Variants in MTMR8 observed in about 807,000 individuals in gnomAD.
MTMR8 encodes the protein myotubularin related protein 8.
MTMR8 carries 65 observed loss-of-function variants against 39.3 expected under a neutral mutation model. The observed-to-expected ratio is 1.65, with a 90% CI of 1.35 to 2.03. MTMR8 has a LOEUF of 2.03. Among genes scored for constraint, MTMR8 ranks in the 30% most tolerant of loss-of-function variants. The pLI is 0.00. For synonymous variants in MTMR8, 245 were observed against 185.2 expected (o/e 1.32, Z -2.62); for missense variants, 777 against 538.9 (o/e 1.44, Z -4.37).
chrX:64,301,071 T>C (rs1300943356), intron 12 of MTMR8, among the ~76,000 whole-genome samples: 12 of 104,916 alleles, frequency 1.1e-4, no homozygotes, highest in South Asian at 4.6e-4. Flanking sequence ...TTGCTCTTCT[T>C]GAGGAGTATC....
intron 12 of MTMR8, among the ~76,000 whole-genome samples, chrX:64,292,476 CA>C (rs770434249): frequency 1.8e-5 from 2 of 110,690 alleles, no homozygotes; most frequent in Non-Finnish European, 3.8e-5. Context: ...GGTAGAAACT[CA>C]AACTCCTGCA....
intron 12 of MTMR8, among the ~76,000 whole-genome samples, chrX:64,275,032 TGAAGA>T (rs1298971230): frequency 1.8e-5 from 2 of 111,474 alleles, no homozygotes; most frequent in African/African-American, 6.5e-5. Flanking sequence ...ATTTCAAAAC[TGAAGA>T]GAAGAGAGTA....
intron 12 of MTMR8, among the ~76,000 whole-genome samples, chrX:64,284,600 A>G (rs1569209634): frequency 8.9e-6 from 1 of 112,005 alleles, no homozygotes; most frequent in East Asian, 2.8e-4. Context: ...CACAAAGGGA[A>G]CCCCATCACA....
At chrX:64,348,208 C>T in intron 6 of MTMR8, among the ~76,000 whole-genome samples, 1 of 110,462 alleles carries the variant, frequency 9.1e-6, no homozygotes, top group East Asian at 2.8e-4. Context: ...AACCCTGGTG[C>T]TTTGGGAGAA....
chrX:64,356,626 G>T (rs1447251304), intron 2 of MTMR8, among the ~76,000 whole-genome samples: 2 of 110,559 alleles, frequency 1.8e-5, no homozygotes, highest in East Asian at 2.8e-4. Flanking sequence ...GCTCAGAATA[G>T]ATGACTTTTA....
chrX:64,359,336 A>T, intron 2 of MTMR8, 69 bp downstream of exon 2: 2 of 1,015,105 alleles, frequency 2.0e-6, no homozygotes, highest in Non-Finnish European at 2.6e-6. Flanking sequence ...AATTTCAAGA[A>T]ACTACCATAT....
At chrX:64,377,790 C>A (rs1171541108) in intron 1 of MTMR8, among the ~76,000 whole-genome samples, 1 of 111,572 alleles carries the variant, frequency 9.0e-6, no homozygotes, top group Non-Finnish European at 1.9e-5. Flanking sequence ...TTGGGACGGG[C>A]CAGGGTGGAA....
At chrX:64,271,215 C>T in intron 12 of MTMR8, 142 bp from the exon 13 acceptor site, 1 of 562,163 alleles carries the variant, frequency 1.8e-6, no homozygotes, top group Non-Finnish European at 2.6e-6. Context: ...CATTAAAAAG[C>T]CTGGACATGC....
rs1171194452 is a variant in MTMR8 at position 64,269,063 on chromosome X, G to C, written c.1609-20C>G. 8.4e-7 allele frequency: 1 copy of C among 1,193,993 alleles called. No individual in the cohort carries two copies. Among genetic ancestry groups the C allele is most frequent in the East Asian group, 3.0e-5 (1 of 33,693 alleles). On this transcript the variant is annotated intron_variant, in intron 13 of 13. Transcript: ENST00000374852. ...TAGTTTCTGCCTCAGGAGCAAGAAA[G>C]GGTTGAGAAGAATTAGAAACAGGAG...
intron 12 of MTMR8, among the ~76,000 whole-genome samples, chrX:64,281,703 G>A (rs1220008469): frequency 2.7e-5 from 3 of 110,845 alleles, no homozygotes; most frequent in African/African-American, 6.6e-5. Context: ...TGACAAATGG[G>A]ATCTAATTAA....
At chrX:64,364,477 G>T (rs896647082) in intron 1 of MTMR8, among the ~76,000 whole-genome samples, 1 of 112,056 alleles carries the variant, frequency 8.9e-6, no homozygotes, top group Non-Finnish European at 1.9e-5. Context: ...ACAGGGTCTG[G>T]AGTGGACCGC....
At chrX:64,340,168 G>A (rs1923178487) in intron 8 of MTMR8, among the ~76,000 whole-genome samples, 1 of 111,316 alleles carries the variant, frequency 9.0e-6, no homozygotes, top group African/African-American at 3.3e-5. Context: ...TACACCACCC[G>A]GTCTTGGTAT....
rs995992632 is a variant in MTMR8 at position 64,345,233 on chromosome X, T to C, written c.733-56A>G. On this transcript the variant is annotated intron_variant, in intron 6 of 13. Coordinates refer to ENST00000374852, the MANE Select transcript of MTMR8 (RefSeq NM_017677.4). ...TAGGCCAGATGATGAAAGAATGGAG[T>C]TCATCAATCTCAATGCCTCATTCTG... 1.3e-5 allele frequency: 15 copies of C among 1,128,799 alleles called. No individual in the cohort carries two copies. In the African/African-American group the frequency reaches 2.4e-4, roughly 18 times the overall value. 93.0% of individuals were successfully genotyped at this position (1,128,799 alleles called of 1,213,427 possible). A position where few individuals can be genotyped will look rare whatever the true frequency, so the allele number is the denominator to read the frequency against.
chrX:64,363,129 G>T (rs890677730), intron 1 of MTMR8, among the ~76,000 whole-genome samples: 2 of 111,602 alleles, frequency 1.8e-5, no homozygotes, highest in Non-Finnish European at 3.8e-5. Flanking sequence ...ACAACCAGGG[G>T]GTTACAGATA....
chrX:64,276,517 G>T (rs1041682943), intron 12 of MTMR8, among the ~76,000 whole-genome samples: 4 of 111,675 alleles, frequency 3.6e-5, no homozygotes, highest in African/African-American at 1.3e-4. Context: ...TTACCCAGTA[G>T]TCATTCAGGA....
At chrX:64,331,293 G>T in intron 11 of MTMR8, 2 of 349,436 alleles carry the variant, frequency 5.7e-6, no homozygotes, top group Non-Finnish European at 1.0e-5. Context: ...TATTTGCAAA[G>T]GCCTTGTACA....
At chrX:64,376,106 G>A (rs771213168) in intron 1 of MTMR8, among the ~76,000 whole-genome samples, 83 of 112,253 alleles carry the variant, frequency 7.4e-4, no homozygotes, top group African/African-American at 2.7e-3. Context: ...GCAGAGCTGT[G>A]AGTCAATTAA....
chrX:64,308,463 C>T (rs1004514808), intron 12 of MTMR8, among the ~76,000 whole-genome samples: 3 of 108,748 alleles, frequency 2.8e-5, no homozygotes, highest in Admixed American at 2.0e-4. Context: ...GCCACTGTGC[C>T]CAGCTGACAG....
At chrX:64,288,466 C>T (rs936291763) in intron 12 of MTMR8, among the ~76,000 whole-genome samples, 1 of 111,597 alleles carries the variant, frequency 9.0e-6, no homozygotes, top group South Asian at 3.8e-4. Context: ...GTGGCGATTC[C>T]TCAGGGATCT....
Sources: allele counts gnomAD v4.1 joint callset (sites outside exome capture counted in the v4.1 genomes callset), GRCh38; gene constraint gnomAD v4.1.1; transcripts MANE v1.5; gene names NCBI Gene and HGNC (gene_info 2026-07-23, HGNC 2026-07-21).